The following LHFPL6 variants were observed in gnomAD, a reference collection of about 807,000 sequenced individuals.
LHFPL6 encodes LHFPL tetraspan subfamily member 6 protein.
In LHFPL6, 9 loss-of-function variants were observed where a neutral mutation model predicts 20.6. The ratio of observed to expected loss-of-function variants is 0.44; its 90% CI spans 0.26 to 0.76. The LOEUF (loss-of-function observed/expected upper bound fraction) is 0.76, where lower values mean the gene tolerates loss of function less well. LHFPL6 is among the 30% of genes least tolerant of loss of function. LHFPL6 has a pLI of 0.20. For missense variants in LHFPL6, 218 were observed against 253.5 expected (o/e 0.86, Z 0.95); for synonymous variants, 105 against 98.7 (o/e 1.06, Z -0.38).
chr13:39,358,325 G>A (rs934063302), intron 3 of LHFPL6, among the ~76,000 whole-genome samples: 3 of 152,140 alleles, frequency 2.0e-5, no homozygotes, highest in Non-Finnish European at 2.9e-5. Context: ...AATGGTGCTC[G>A]TATAACTGGC....
At chr13:39,564,108 T>C (rs1033460484) in intron 2 of LHFPL6, among the ~76,000 whole-genome samples, 2 of 108,390 alleles carry the variant, frequency 1.8e-5, no homozygotes, top group African/African-American at 3.7e-5. Flanking sequence ...GGGAGCTGTT[T>C]TCCTCTGGAG....
At chr13:39,405,258 T>C (rs1871090877) in intron 2 of LHFPL6, among the ~76,000 whole-genome samples, 1 of 152,218 alleles carries the variant, frequency 6.6e-6, no homozygotes, top group Admixed American at 6.5e-5. Context: ...TGTCTCAGCC[T>C]TGAATTTCAT....
chr13:39,446,575 C>A (rs1240870601), intron 2 of LHFPL6, among the ~76,000 whole-genome samples: 1 of 151,860 alleles, frequency 6.6e-6, no homozygotes, highest in Non-Finnish European at 1.5e-5. Context: ...CAACTGTGTA[C>A]CACAATCAAC....
intron 2 of LHFPL6, among the ~76,000 whole-genome samples, chr13:39,574,112 A>T (rs1872023525): frequency 6.6e-6 from 1 of 152,210 alleles, no homozygotes; most frequent in Admixed American, 6.5e-5. Flanking sequence ...AGCCTGCTGC[A>T]TACTCCTGAC....
intron 2 of LHFPL6, among the ~76,000 whole-genome samples, chr13:39,489,373 C>T (rs1868836042): frequency 1.3e-5 from 2 of 152,126 alleles, no homozygotes; most frequent in South Asian, 4.1e-4. Flanking sequence ...ATCAGGAGTG[C>T]TTCCTTGGAC....
chr13:39,388,861 T>C (rs1388695429), intron 2 of LHFPL6, among the ~76,000 whole-genome samples: 2 of 152,166 alleles, frequency 1.3e-5, no homozygotes, highest in Admixed American at 6.5e-5. Context: ...GATCTTTGAT[T>C]CCTGTTAGAG....
intron 2 of LHFPL6, among the ~76,000 whole-genome samples, chr13:39,478,908 T>A (rs554462058): frequency 6.6e-6 from 1 of 152,128 alleles, no homozygotes; most frequent in East Asian, 1.9e-4. Context: ...CATAATCACA[T>A]GAGCCAACTC....
chr13:39,412,994 C>T (rs891842796), intron 2 of LHFPL6, among the ~76,000 whole-genome samples: 1 of 152,052 alleles, frequency 6.6e-6, no homozygotes, highest in African/African-American at 2.4e-5. Context: ...CCAGTAGGCA[C>T]TCTCTTAACA....
intron 2 of LHFPL6, among the ~76,000 whole-genome samples, chr13:39,506,303 C>T (rs9576828): frequency 0.088 from 13,363 of 152,096 alleles, 1,446 homozygotes; most frequent in East Asian, 0.6. Flanking sequence ...CTGAGGGTCC[C>T]GCTGCTAATT....
intron 2 of LHFPL6, among the ~76,000 whole-genome samples, chr13:39,577,950 C>G (rs1872167574): frequency 1.3e-5 from 2 of 152,058 alleles, no homozygotes; most frequent in Admixed American, 1.3e-4. Flanking sequence ...AGCCCAGCCC[C>G]AACAACTCAA....
chr13:39,567,203 A>G (rs973978445), intron 2 of LHFPL6, among the ~76,000 whole-genome samples: 11 of 152,188 alleles, frequency 7.2e-5, no homozygotes, highest in African/African-American at 2.7e-4. Context: ...TTATATTCCC[A>G]CTTAAAAACA....
At chr13:39,600,468 C>G (rs771738364) in intron 2 of LHFPL6, among the ~76,000 whole-genome samples, 1 of 152,070 alleles carries the variant, frequency 6.6e-6, no homozygotes, top group African/African-American at 2.4e-5. Context: ...TTTAAAGACC[C>G]GAGGATTCCA....
At chr13:39,535,320 T>C (rs1870583200) in intron 2 of LHFPL6, among the ~76,000 whole-genome samples, 1 of 152,204 alleles carries the variant, frequency 6.6e-6, no homozygotes, top group South Asian at 2.1e-4. Flanking sequence ...CACACAACAT[T>C]TTATAGAACT....
chr13:39,347,904 C>T (rs1446192310), intron 3 of LHFPL6, among the ~76,000 whole-genome samples: 1 of 152,090 alleles, frequency 6.6e-6, no homozygotes, highest in Admixed American at 6.5e-5. Flanking sequence ...AATGTATTGA[C>T]CTATACATAG....
At chr13:39,385,727 T>G (rs2138366071) in intron 2 of LHFPL6, among the ~76,000 whole-genome samples, 1 of 152,338 alleles carries the variant, frequency 6.6e-6, no homozygotes, top group African/African-American at 2.4e-5. Context: ...TACTTAACAC[T>G]TAGCCAGCGG....
chr13:39,548,044 T>G (rs1871034284), intron 2 of LHFPL6, among the ~76,000 whole-genome samples: 1 of 151,994 alleles, frequency 6.6e-6, no homozygotes, highest in South Asian at 2.1e-4. Flanking sequence ...TTGTTCTACG[T>G]CAAAGACAAA....
intron 2 of LHFPL6, among the ~76,000 whole-genome samples, chr13:39,556,783 T>C (rs1871314973): frequency 6.6e-6 from 1 of 151,954 alleles, no homozygotes; most frequent in Admixed American, 6.6e-5. Flanking sequence ...GGCAACATAG[T>C]GACACTCCAT....
chr13:39,525,292 T>C (rs765891115), intron 2 of LHFPL6, among the ~76,000 whole-genome samples: 2 of 152,192 alleles, frequency 1.3e-5, no homozygotes, highest in Non-Finnish European at 2.9e-5. Flanking sequence ...AGAAAGACTA[T>C]TGTCTTTTTT....
At chr13:39,367,187 A>T (rs886352174) in intron 3 of LHFPL6, among the ~76,000 whole-genome samples, 1 of 152,218 alleles carries the variant, frequency 6.6e-6, no homozygotes, top group African/African-American at 2.4e-5. Context: ...AAACATGGGA[A>T]CCACAGACAC....
Sources: gnomAD v4.1 joint callset for allele counts (sites outside exome capture counted in the v4.1 genomes callset) on GRCh38, gnomAD v4.1.1 for gene constraint, MANE v1.5 for transcripts, NCBI Gene and HGNC (gene_info 2026-07-23, HGNC 2026-07-21) for gene names.